RGS21: variants seen among roughly 807,000 people sequenced by gnomAD.
RGS21 encodes the protein regulator of G-protein signalling 21.
Under a neutral mutation model 18.7 loss-of-function variants are expected in RGS21, and 19 were observed. The ratio of observed to expected loss-of-function variants is 1.01; its 90% CI spans 0.71 to 1.49. The LOEUF (loss-of-function observed/expected upper bound fraction) is 1.49, where lower values mean the gene tolerates loss of function less well. Among genes scored for constraint, RGS21 ranks in the 40% most tolerant of loss-of-function variants. The pLI is 0.00. For missense variants in RGS21, 194 were observed against 176.8 expected (o/e 1.10, Z -0.55); for synonymous variants, 56 against 57.8 (o/e 0.97, Z 0.14).
intron 3 of RGS21, among the ~76,000 whole-genome samples, chr1:192,351,191 C>T (rs1659035662): frequency 6.6e-6 from 1 of 152,046 alleles, no homozygotes; most frequent in African/African-American, 2.4e-5. Context: ...CAATGTTTTC[C>T]TTAAGGCAAC....
chr1:192,350,618 G>A (rs562073935), intron 3 of RGS21, among the ~76,000 whole-genome samples: 2 of 152,270 alleles, frequency 1.3e-5, no homozygotes, highest in East Asian at 3.9e-4. Context: ...ATTTCTCTGA[G>A]TGGAAAAAGT....
chr1:192,321,148 A>T (rs1280381718), intron 1 of RGS21, among the ~76,000 whole-genome samples: 1 of 152,006 alleles, frequency 6.6e-6, no homozygotes, highest in African/African-American at 2.4e-5. Context: ...AATAAAATTA[A>T]GTCAATATTC....
Position 192,366,130 on chromosome 1 carries a change from G to A in RGS21, c.*6G>A. 1 of 1,522,582 alleles carries A rather than the reference G, an allele frequency of 6.6e-7. No individual in the cohort carries two copies. The highest frequency in any genetic ancestry group is 8.9e-7 in the Non-Finnish European group (1 of 1,119,450). The allele number at this position is 1,522,582 out of a possible 1,614,324, so 94.3% of individuals were successfully genotyped here. A position where few individuals can be genotyped will look rare whatever the true frequency, so the allele number is the denominator to read the frequency against. On this transcript the variant is annotated 3_prime_UTR_variant, in exon 5 of 5. Coordinates refer to ENST00000417209, the MANE Select transcript of RGS21 (RefSeq NM_001039152.3). ...AATGGCTCCCTTTTTTGTGAGGAAG[G>A]TAAAAGTTAACTAATCACTATACTT... is the stretch of plus-strand genomic sequence containing the variant.
intron 1 of RGS21, among the ~76,000 whole-genome samples, chr1:192,334,639 G>A (rs1308149134): frequency 2.6e-5 from 4 of 152,014 alleles, no homozygotes; most frequent in African/African-American, 9.7e-5. Context: ...ATGCTGAAGA[G>A]AAAAGAGCTA....
At chr1:192,329,028 T>C (rs1557974483) in intron 1 of RGS21, among the ~76,000 whole-genome samples, 1 of 152,092 alleles carries the variant, frequency 6.6e-6, no homozygotes, top group East Asian at 1.9e-4. Flanking sequence ...CATGAGAATT[T>C]TTTTTCTTTT....
In RGS21 at chr1:192,365,967, C is replaced by T. The variant is rs376952850; in HGVS notation, c.302C>T (p.Ala101Val). Residue 101 changes from alanine (A) to valine (V), a missense_variant, in exon 5 of 5, where the codon GCT becomes GTT. By Grantham distance (64) the Ala-to-Val change is moderately conservative. Transcript: ENST00000417209. Reference protein sequence around the residue: ...GTRDLISKNIAEPTLKCFDEA... With the variant: ...GTRDLISKNIVEPTLKCFDEA... ...AGAGACCTCATCTCAAAGAATATTG[C>T]TGAACCAACACTCAAATGCTTTGAT... 6.2e-6 allele frequency: 10 copies of T among 1,610,652 alleles called. No individual in the cohort carries two copies. The African/African-American group carries it at 1.3e-4, about 22-fold the overall frequency.
At chr1:192,340,020 G>A (rs1483654740) in intron 1 of RGS21, among the ~76,000 whole-genome samples, 2 of 151,948 alleles carry the variant, frequency 1.3e-5, no homozygotes, top group Admixed American at 1.3e-4. Flanking sequence ...TTTCCCATCT[G>A]CCTCTCAGTC....
intron 4 of RGS21, among the ~76,000 whole-genome samples, chr1:192,354,330 T>C (rs1454729909): frequency 1.3e-5 from 2 of 151,652 alleles, no homozygotes; most frequent in Non-Finnish European, 3.0e-5. Flanking sequence ...TAAAGTTAGA[T>C]TTGCGGTGTG....
intron 3 of RGS21, among the ~76,000 whole-genome samples, chr1:192,348,384 T>A (rs1413312487): frequency 1.3e-5 from 2 of 152,164 alleles, no homozygotes; most frequent in Non-Finnish European, 2.9e-5. Context: ...ACATACAAAC[T>A]GTTGAAAATT....
At position 192,343,024 on chromosome 1, in the gene RGS21, A is replaced by G; in HGVS notation, c.-13A>G. 3 of 1,612,694 alleles carry G rather than the reference A, an allele frequency of 1.9e-6. No homozygotes were observed. The highest frequency in any genetic ancestry group is 2.5e-6 in the Non-Finnish European group (3 of 1,178,878). ...AAACTCGGCATCATCTGTGACAGAC[A>G]GTGGAACGAAAAATGCCAGTGAAGT... is the stretch of plus-strand genomic sequence containing the variant. On this transcript the variant is annotated 5_prime_UTR_variant, in exon 2 of 5. Coordinates refer to ENST00000417209, the MANE Select transcript of RGS21 (RefSeq NM_001039152.3).
chr1:192,331,544 T>TAA (rs1557975216), intron 1 of RGS21, among the ~76,000 whole-genome samples: 12 of 113,654 alleles, frequency 1.1e-4, no homozygotes, highest in African/African-American at 3.9e-4. Flanking sequence ...AGACTCCGTC[T>TAA]CTAAATAAAT....
intron 1 of RGS21, among the ~76,000 whole-genome samples, chr1:192,332,173 C>T (rs1013456988): frequency 1.2e-4 from 18 of 151,926 alleles, no homozygotes; most frequent in African/African-American, 4.1e-4. Flanking sequence ...GAACATAAAG[C>T]TCCATATTTA....
intron 1 of RGS21, among the ~76,000 whole-genome samples, chr1:192,337,795 T>C (rs776537831): frequency 2.6e-5 from 4 of 152,210 alleles, no homozygotes; most frequent in African/African-American, 4.8e-5. Context: ...GACTTTTAAA[T>C]GTATACAATA....
chr1:192,336,028 A>G (rs763453136), intron 1 of RGS21, among the ~76,000 whole-genome samples: 1 of 152,236 alleles, frequency 6.6e-6, no homozygotes, highest in Non-Finnish European at 1.5e-5. Context: ...CAGATTAACA[A>G]CTTGCGTAAT....
chr1:192,360,633 G>A (rs1257745406), intron 4 of RGS21, among the ~76,000 whole-genome samples: 2 of 152,048 alleles, frequency 1.3e-5, no homozygotes, highest in Non-Finnish European at 2.9e-5. Context: ...ATTAGTCCCT[G>A]ACTTAAAATT....
intron 1 of RGS21, among the ~76,000 whole-genome samples, chr1:192,329,240 T>A (rs1658611723): frequency 1.3e-5 from 2 of 152,094 alleles, no homozygotes; most frequent in Non-Finnish European, 2.9e-5. Flanking sequence ...TATACAGAAC[T>A]GATCCCACTA....
chr1:192,361,891 G>A (rs1659192300), intron 4 of RGS21, among the ~76,000 whole-genome samples: 1 of 152,050 alleles, frequency 6.6e-6, no homozygotes, highest in African/African-American at 2.4e-5. Context: ...TAATAAAAAG[G>A]AAATTATAGT....
At chr1:192,358,832 A>G (rs1320879471) in intron 4 of RGS21, among the ~76,000 whole-genome samples, 1 of 152,162 alleles carries the variant, frequency 6.6e-6, no homozygotes, top group East Asian at 1.9e-4. Flanking sequence ...GCTGGTGTAG[A>G]GAAAATAAAT....
intron 1 of RGS21, among the ~76,000 whole-genome samples, chr1:192,328,013 A>G (rs1658592705): frequency 6.6e-6 from 1 of 152,228 alleles, no homozygotes; most frequent in South Asian, 2.1e-4. Flanking sequence ...GTGGAAACCA[A>G]TAAGGTTGTC....
Sources: gnomAD v4.1 joint callset for allele counts (sites outside exome capture counted in the v4.1 genomes callset) on GRCh38, gnomAD v4.1.1 for gene constraint, MANE v1.5 for transcripts, NCBI Gene and HGNC (gene_info 2026-07-23, HGNC 2026-07-21) for gene names.